Variants in KAZN observed in about 807,000 individuals in gnomAD.
KAZN encodes the protein kazrin, periplakin interacting protein, also known as kazrin.
In KAZN, 40 loss-of-function variants were observed where a neutral mutation model predicts 87.4. The observed-to-expected ratio is 0.46, with a 90% CI of 0.36 to 0.60. The LOEUF is 0.60. Ranked by LOEUF, KAZN falls within the 20% of genes least tolerant of loss-of-function variation. The probability of loss-of-function intolerance (pLI) is 0.00; values close to 1 mark genes in which losing one functional copy is unlikely to be tolerated. For missense variants in KAZN, 898 were observed against 1,073.9 expected (o/e 0.84, Z 2.29); for synonymous variants, 466 against 458.3 (o/e 1.02, Z -0.22).
At chr1:14,762,249 C>T (rs1644760353) in intron 1 of KAZN, among the ~76,000 whole-genome samples, 1 of 152,168 alleles carries the variant, frequency 6.6e-6, no homozygotes, top group Non-Finnish European at 1.5e-5. Context: ...GGGGAAGGGC[C>T]TTGAATGCTA....
At chr1:15,057,453 A>G (rs933236688) in intron 5 of KAZN, among the ~76,000 whole-genome samples, 1 of 152,198 alleles carries the variant, frequency 6.6e-6, no homozygotes, top group African/African-American at 2.4e-5. Context: ...TCTCATTATC[A>G]TCGTCATCAT....
At position 14,845,481 on chromosome 1, in the gene KAZN, TG is replaced by T. The variant is rs1648629717; in HGVS notation, c.227-115201del. Among the ~76,000 whole-genome samples, 3 of 149,272 alleles carry T rather than the reference TG, an allele frequency of 2.0e-5. No homozygotes were observed. In the South Asian group the frequency reaches 6.4e-4, roughly 32 times the overall value. On this transcript the variant is annotated intron_variant, in intron 1 of 14. Transcript: ENST00000376030. ...GATGGATGACTGAGTGGTGGATGGA[TG>T]GATGAGTAAGTGGGGGATGGATGGA...
chr1:14,348,043 C>A (rs1471041245), intron 2 of KAZN, among the ~76,000 whole-genome samples: 1 of 131,520 alleles, frequency 7.6e-6, no homozygotes, highest in African/African-American at 2.9e-5. Flanking sequence ...TGTCACCACA[C>A]CTGGCTAATT....
At chr1:14,523,462 G>A (rs77305591) in intron 2 of KAZN, among the ~76,000 whole-genome samples, 421 of 152,234 alleles carry the variant, frequency 2.8e-3, no homozygotes, top group Non-Finnish European at 4.9e-3. Context: ...TGGAAAGGGC[G>A]GAAATAAAGA....
At chr1:15,016,348 C>T (rs1232177805) in intron 2 of KAZN, among the ~76,000 whole-genome samples, 3 of 152,140 alleles carry the variant, frequency 2.0e-5, no homozygotes, top group African/African-American at 7.2e-5. Context: ...TGCAATGACG[C>T]GATCTCAGCC....
chr1:14,543,933 C>G (rs1033941883), intron 2 of KAZN, among the ~76,000 whole-genome samples: 1 of 152,208 alleles, frequency 6.6e-6, no homozygotes, highest in Non-Finnish European at 1.5e-5. Flanking sequence ...TCTTCATACA[C>G]TTTGTTGCCT....
chr1:14,034,724 C>T lies in KAZN; in HGVS notation c.91+140968C>T, dbSNP rs1039962282. Among the ~76,000 whole-genome samples the T allele has an allele frequency of 7.2e-5, 11 of 152,112 alleles. 1 individual carries two copies. Among genetic ancestry groups the T allele is most frequent in the East Asian group, 3.9e-4 (2 of 5,184 alleles). ...TAACCAGAAGAGAGAGTTCATGGTT[C>T]GTTGGGTGCACTTAGTGCCTGATCA... On this transcript the variant is annotated intron_variant, in intron 1 of 16. Coordinates refer to the KAZN transcript ENST00000636203.
intron 1 of KAZN, among the ~76,000 whole-genome samples, chr1:14,631,184 A>G (rs1405875831): frequency 1.3e-5 from 2 of 152,144 alleles, no homozygotes; most frequent in East Asian, 3.9e-4. Flanking sequence ...TGCTATGGAA[A>G]GCTACTAGGA....
intron 1 of KAZN, among the ~76,000 whole-genome samples, chr1:13,980,268 G>A (rs974532171): frequency 2.0e-5 from 3 of 152,264 alleles, no homozygotes; most frequent in African/African-American, 7.2e-5. Context: ...CAGTGAAGAA[G>A]TAGTTTTCAT....
chr1:14,427,728 TGA>T (rs1354330441), intron 2 of KAZN, among the ~76,000 whole-genome samples: 3 of 152,194 alleles, frequency 2.0e-5, no homozygotes, highest in Non-Finnish European at 2.9e-5. Flanking sequence ...TGGTTGGGTG[TGA>T]GTTTGCCGCC....
chr1:14,068,535 A>G (rs893972623), intron 1 of KAZN, among the ~76,000 whole-genome samples: 2 of 152,182 alleles, frequency 1.3e-5, no homozygotes, highest in East Asian at 1.9e-4. Flanking sequence ...GGATTCTACC[A>G]TGCAGCCAGG....
At chr1:14,787,178 A>G (rs1645533973) in intron 1 of KAZN, among the ~76,000 whole-genome samples, 1 of 152,198 alleles carries the variant, frequency 6.6e-6, no homozygotes. Context: ...GGATGTATTA[A>G]TTATGGCCAA....
Position 15,096,306 on chromosome 1 carries a change from A to T in KAZN, c.1547+1373A>T, listed in dbSNP as rs529765105. Among the ~76,000 whole-genome samples, 89 of 152,358 alleles carry T rather than the reference A, an allele frequency of 5.8e-4. No individual in the cohort carries two copies. Among genetic ancestry groups the T allele is most frequent in the African/African-American group, 2.1e-3 (87 of 41,584 alleles). On this transcript the variant is annotated intron_variant, in intron 10 of 14. Transcript: ENST00000376030. This position sits in a 1 kb window ranked among gnomAD's most constrained non-coding sequence, Gnocchi z 4.5. ...CCTGGGTTCCCCCTAAATGGGGATA[A>T]GCTTTTCTTCTTTTCTTTTCATAGA...
chr1:14,873,145 A>AGGAT (rs1215066801), intron 1 of KAZN, among the ~76,000 whole-genome samples: 1 of 96,394 alleles, frequency 1.0e-5, no homozygotes, highest in African/African-American at 3.5e-5. Flanking sequence ...GATGGATGGA[A>AGGAT]GGATGGATGG....
At chr1:13,989,927 G>A (rs1315478605) in intron 1 of KAZN, among the ~76,000 whole-genome samples, 8 of 152,148 alleles carry the variant, frequency 5.3e-5, no homozygotes. Context: ...CCTAGGTAGG[G>A]CATATCAAGC....
chr1:14,049,013 C>G (rs1438765619), intron 1 of KAZN, among the ~76,000 whole-genome samples: 1 of 152,142 alleles, frequency 6.6e-6, no homozygotes, highest in African/African-American at 2.4e-5. Flanking sequence ...GACACATGCA[C>G]ACGTATGTTT....
intron 2 of KAZN, among the ~76,000 whole-genome samples, chr1:14,434,878 C>T (rs535380720): frequency 9.2e-5 from 14 of 152,208 alleles, no homozygotes; most frequent in Admixed American, 3.9e-4. Flanking sequence ...TAGTAAAAGG[C>T]ACATCCTGCC....
intron 1 of KAZN, among the ~76,000 whole-genome samples, chr1:14,898,916 C>T (rs1655555294): frequency 6.6e-6 from 1 of 152,244 alleles, no homozygotes; most frequent in South Asian, 2.1e-4. Flanking sequence ...CCGATTACCT[C>T]TTCCAGATTG....
At chr1:14,550,719 C>CTCTCTCTA (rs1673447816) in intron 2 of KAZN, among the ~76,000 whole-genome samples, 1 of 81,034 alleles carries the variant, frequency 1.2e-5, no homozygotes, top group Non-Finnish European at 2.9e-5. Flanking sequence ...CTCTCTCTCT[C>CTCTCTCTA]TCTCTCTCTC....
Sources: gnomAD v4.1 joint callset for allele counts (sites outside exome capture counted in the v4.1 genomes callset) on GRCh38, gnomAD v4.1.1 for gene constraint, Gnocchi (gnomAD v3.1) non-coding constraint, MANE v1.5 for transcripts, NCBI Gene and HGNC (gene_info 2026-07-23, HGNC 2026-07-21) for gene names.